The following PREP variants were observed in gnomAD, a reference collection of about 807,000 sequenced individuals.
The protein encoded by PREP is dJ355L5.1 (prolyl endopeptidase).
PREP carries 29 observed loss-of-function variants against 87.6 expected under a neutral mutation model. The observed-to-expected ratio is 0.33, with a 90% CI of 0.25 to 0.45. The LOEUF is 0.45. Among genes scored for constraint, PREP ranks in the 20% least tolerant of loss-of-function variants. The probability of loss-of-function intolerance (pLI) is 1.00; values close to 1 mark genes in which losing one functional copy is unlikely to be tolerated. For synonymous variants in PREP, 337 were observed against 328.6 expected (o/e 1.03, Z -0.28); for missense variants, 695 against 886.5 (o/e 0.78, Z 2.74).
At chr6:105,386,336 A>G (rs1051349012) in intron 2 of PREP, among the ~76,000 whole-genome samples, 1 of 152,180 alleles carries the variant, frequency 6.6e-6, no homozygotes, top group East Asian at 1.9e-4. Flanking sequence ...ACAAGTTAGG[A>G]AGTTACTGAA....
At chr6:105,307,681 C>T (rs1770682983) in intron 10 of PREP, among the ~76,000 whole-genome samples, 1 of 152,056 alleles carries the variant, frequency 6.6e-6, no homozygotes, top group Non-Finnish European at 1.5e-5. Context: ...GGTGAGAGCT[C>T]GGCTTACCGC....
At chr6:105,393,174 CAAAA>C (rs1773201130) in intron 2 of PREP, among the ~76,000 whole-genome samples, 1 of 152,142 alleles carries the variant, frequency 6.6e-6, no homozygotes, top group Non-Finnish European at 1.5e-5. Context: ...GCTTCTAAAA[CAAAA>C]AGCTGCTTAT....
chr6:105,312,929 A>C lies in PREP; in HGVS notation c.1317+10736T>G, dbSNP rs9968870. On this transcript the variant is annotated intron_variant, in intron 10 of 14. Coordinates refer to ENST00000652536, the MANE Select transcript of PREP (RefSeq NM_002726.5). ...AGCATCAAAAGTTGTGTGGAGGAGC[A>C]TGTACCCAACACAGACAATGACAAG... Among the ~76,000 whole-genome samples, 403 of 152,284 alleles carry C rather than the reference A, an allele frequency of 2.6e-3. 1 individual carries two copies. Among genetic ancestry groups the C allele is most frequent in the African/African-American group, 9.1e-3 (377 of 41,568 alleles).
Position 105,333,383 on chromosome 6 carries a change from T to C in PREP, c.946A>G (p.Ile316Val), listed in dbSNP as rs922482467. 4 of 1,614,060 alleles carry C rather than the reference T, an allele frequency of 2.5e-6. No individual in the cohort carries two copies. In the African/African-American group the frequency reaches 5.3e-5, roughly 22 times the overall value. Residue 316 changes from isoleucine (I) to valine (V), a missense_variant, in exon 8 of 15, where the codon ATT becomes GTT. Ile to Val is a conservative substitution (Grantham distance 29). Coordinates refer to ENST00000652536, the MANE Select transcript of PREP (RefSeq NM_002726.5). ...GACTCTTCAGGATCCCTGAAGTCAATGTTGATCACGCGATAGTTGGGAGAC... is the reference window on the plus strand; with the variant it reads ...GACTCTTCAGGATCCCTGAAGTCAACGTTGATCACGCGATAGTTGGGAGAC... ...RQSPNYRVINIDFRDPEESKW... is the reference protein window; with the variant it reads ...RQSPNYRVINVDFRDPEESKW...
In PREP at chr6:105,277,286, C is replaced by T. The variant is rs1562183192; in HGVS notation, c.*858G>A. On this transcript the variant is annotated 3_prime_UTR_variant, in exon 15 of 15. Transcript: ENST00000652536. ...GTAAGAAATGCTTGGATATATGTAT[C>T]TGTTTGTTTGGATAATTTACTCATG... Among the ~76,000 whole-genome samples, 1 of 151,442 alleles carries T rather than the reference C, an allele frequency of 6.6e-6. No homozygotes were observed. Among genetic ancestry groups the T allele is most frequent in the Non-Finnish European group, 1.5e-5 (1 of 67,938 alleles).
At chr6:105,368,365 AAACCT>A (rs1772448600) in intron 6 of PREP, among the ~76,000 whole-genome samples, 1 of 152,238 alleles carries the variant, frequency 6.6e-6, no homozygotes, top group Non-Finnish European at 1.5e-5. Flanking sequence ...AGTAACTTAA[AAACCT>A]ATCACTTCAA....
Position 105,276,086 on chromosome 6 carries a change from T to TA in PREP, c.*2057dup, listed in dbSNP as rs1392996227. On this transcript the variant is annotated 3_prime_UTR_variant, in exon 15 of 15. Coordinates refer to ENST00000652536, the MANE Select transcript of PREP (RefSeq NM_002726.5). ...TGGGATCAAATAGAGAAGAATCCCT[T>TA]AGAGTTCTGGGTAGGAGCCCAATCT... Among the ~76,000 whole-genome samples the TA allele has an allele frequency of 6.6e-6, 1 of 152,226 alleles. No individual in the cohort carries two copies. The highest frequency in any genetic ancestry group is 6.5e-5 in the Admixed American group (1 of 15,284).
At chr6:105,303,862 G>C (rs540188817) in intron 10 of PREP, among the ~76,000 whole-genome samples, 44 of 152,276 alleles carry the variant, frequency 2.9e-4, no homozygotes, top group Middle Eastern at 3.4e-3. Flanking sequence ...TAAAATACCT[G>C]CCAGTTAGTT....
At chr6:105,283,156 A>G (rs1770118568) in intron 12 of PREP, among the ~76,000 whole-genome samples, 1 of 152,216 alleles carries the variant, frequency 6.6e-6, no homozygotes, top group African/African-American at 2.4e-5. Context: ...TTATTAATGG[A>G]AAGAACAAAA....
chr6:105,337,206 C>A (rs67330396), intron 7 of PREP, among the ~76,000 whole-genome samples: 8,629 of 152,248 alleles, frequency 0.057, 285 homozygotes, highest in Middle Eastern at 0.095. Flanking sequence ...ATTTCTTCAT[C>A]TGATTTGTGA....
intron 9 of PREP, among the ~76,000 whole-genome samples, chr6:105,326,873 G>C (rs1212044276): frequency 6.6e-6 from 1 of 152,178 alleles, no homozygotes; most frequent in African/African-American, 2.4e-5. Context: ...GAAAATGCCT[G>C]GCAGTACAGA....
chr6:105,373,743 A>G (rs1325386425), intron 4 of PREP, among the ~76,000 whole-genome samples, 165 bp from the exon 5 acceptor site: 1 of 152,242 alleles, frequency 6.6e-6, no homozygotes, highest in Non-Finnish European at 1.5e-5. Context: ...CCCAAGTTTT[A>G]CAGGAATTAC....
chr6:105,359,786 C>T (rs1035611733), intron 6 of PREP, among the ~76,000 whole-genome samples: 1 of 152,170 alleles, frequency 6.6e-6, no homozygotes, highest in Non-Finnish European at 1.5e-5. Flanking sequence ...GGACCCCTCT[C>T]CCTCCTGTTA....
chr6:105,398,408 A>C (rs1006051789), intron 1 of PREP, among the ~76,000 whole-genome samples: 11 of 152,218 alleles, frequency 7.2e-5, no homozygotes, highest in Admixed American at 6.5e-4. Flanking sequence ...TTTTATGTCT[A>C]AACTGCCAAA....
intron 11 of PREP, 32 bp from the exon 12 acceptor site, chr6:105,285,612 T>C (rs781003889): frequency 1.3e-6 from 2 of 1,564,204 alleles, no homozygotes; most frequent in East Asian, 2.2e-5. Context: ...TAACCTTCCA[T>C]TAACTGCCTA....
At chr6:105,365,393 C>T (rs1194065492) in intron 6 of PREP, among the ~76,000 whole-genome samples, 7 of 152,160 alleles carry the variant, frequency 4.6e-5, no homozygotes, top group Non-Finnish European at 1.0e-4. Flanking sequence ...TCTTGGACTC[C>T]CCTGGCTTTA....
chr6:105,342,866 G>A (rs1415271138), intron 7 of PREP, among the ~76,000 whole-genome samples: 4 of 152,190 alleles, frequency 2.6e-5, no homozygotes, highest in African/African-American at 4.8e-5. Flanking sequence ...ACTGCTCAAC[G>A]AAATAAAAGA....
In PREP at chr6:105,398,847, G is replaced by A. The variant is rs947676614; in HGVS notation, c.46-920C>T. Among the ~76,000 whole-genome samples the A allele has an allele frequency of 5.9e-5, 9 of 152,126 alleles. No homozygotes were observed. The South Asian group carries it at 1.4e-3, about 25-fold the overall frequency. On this transcript the variant is annotated intron_variant, in intron 1 of 14. Coordinates refer to ENST00000652536, the MANE Select transcript of PREP (RefSeq NM_002726.5). ...TTAGGACAGAGTGCAGTGGCTCACA[G>A]CCATAATCCCAGCACTTTGGGAGAC...
chr6:105,323,102 C>G, intron 10 of PREP: 2 of 1,304,040 alleles, frequency 1.5e-6, no homozygotes, highest in South Asian at 1.2e-5. Context: ...GACTCAGTAC[C>G]CTTGGGGAGC....
Sources: gnomAD v4.1 joint callset for allele counts (sites outside exome capture counted in the v4.1 genomes callset) on GRCh38, gnomAD v4.1.1 for gene constraint, MANE v1.5 for transcripts, NCBI Gene and HGNC (gene_info 2026-07-23, HGNC 2026-07-21) for gene names.